The following FRMD5 variants were observed in gnomAD, a reference collection of about 807,000 sequenced individuals.
FRMD5 encodes FERM domain containing 5.
In FRMD5, 20 loss-of-function variants were observed where a neutral mutation model predicts 69.0. The ratio of observed to expected loss-of-function variants is 0.29; its 90% CI spans 0.20 to 0.42. FRMD5 has a LOEUF of 0.42. Among genes scored for constraint, FRMD5 ranks in the 10% least tolerant of loss-of-function variants. The pLI is 1.00. For missense variants in FRMD5, 595 were observed against 708.6 expected, an observed-to-expected ratio of 0.84 and a Z score of 1.82; for synonymous variants, 271 against 260.1, an observed-to-expected ratio of 1.04 and a Z score of -0.40.
chr15:43,946,764 C>G (rs535836138), intron 1 of FRMD5, among the ~76,000 whole-genome samples: 1 of 152,192 alleles, frequency 6.6e-6, no homozygotes, highest in African/African-American at 2.4e-5. Flanking sequence ...TTGCTCTCTT[C>G]TGTCCCCCTG....
intron 1 of FRMD5, among the ~76,000 whole-genome samples, chr15:43,931,388 T>C (rs930080814): frequency 3.3e-5 from 5 of 152,124 alleles, no homozygotes; most frequent in African/African-American, 1.2e-4. Context: ...TCTCTCTCTC[T>C]CTCTTCTCTT....
intron 1 of FRMD5, among the ~76,000 whole-genome samples, chr15:44,145,066 C>T (rs931232507): frequency 2.0e-5 from 3 of 152,180 alleles, no homozygotes; most frequent in South Asian, 2.1e-4. Flanking sequence ...AAATTTTACA[C>T]TGAAGTAGAA....
chr15:43,978,504 G>T (rs2090499019), intron 1 of FRMD5, among the ~76,000 whole-genome samples: 2 of 152,148 alleles, frequency 1.3e-5, no homozygotes, highest in South Asian at 2.1e-4. Context: ...CATGATCGAG[G>T]TGATGTTCAC....
At chr15:43,899,926 A>G (rs1011407756) in intron 7 of FRMD5, among the ~76,000 whole-genome samples, 1 of 152,118 alleles carries the variant, frequency 6.6e-6, no homozygotes, top group African/African-American at 2.4e-5. Flanking sequence ...TCCCCGCTCT[A>G]GTCAGTGTAG....
At chr15:44,050,182 T>A (rs1049274733) in intron 1 of FRMD5, among the ~76,000 whole-genome samples, 1 of 152,220 alleles carries the variant, frequency 6.6e-6, no homozygotes, top group African/African-American at 2.4e-5. Context: ...GTCTGGAATA[T>A]CAGCTATTCT....
At chr15:44,091,196 T>G (rs1362134169) in intron 1 of FRMD5, among the ~76,000 whole-genome samples, 1 of 152,238 alleles carries the variant, frequency 6.6e-6, no homozygotes, top group African/African-American at 2.4e-5. Flanking sequence ...GAAGAAAATG[T>G]TAAATCCACC....
chr15:44,186,573 G>T (rs1272899299), intron 1 of FRMD5, among the ~76,000 whole-genome samples: 2 of 152,222 alleles, frequency 1.3e-5, no homozygotes, highest in African/African-American at 4.8e-5. Flanking sequence ...CCTAGGGCAT[G>T]CGGGTTTGAT....
At chr15:44,180,360 A>C (rs1384695098) in intron 1 of FRMD5, among the ~76,000 whole-genome samples, 1 of 152,196 alleles carries the variant, frequency 6.6e-6, no homozygotes, top group Non-Finnish European at 1.5e-5. Flanking sequence ...CTTTATAGCA[A>C]ATAACTCTCT....
rs141149936 is a variant in FRMD5, at chr15:43,987,051, T to C, written c.103-62742A>G. Among the ~76,000 whole-genome samples the C allele has an allele frequency of 7.9e-5, 12 of 152,292 alleles. No homozygotes were observed. The East Asian group carries it at 2.1e-3, about 27-fold the overall frequency. ...AGACAGTGAACATAACCAATAAATG[T>C]GTGTGTCCTAACTGCTCCACTGACA... On this transcript the variant is annotated intron_variant, in intron 1 of 13. Transcript: ENST00000417257.
At chr15:44,159,868 A>G (rs2077585910) in intron 1 of FRMD5, among the ~76,000 whole-genome samples, 1 of 152,220 alleles carries the variant, frequency 6.6e-6, no homozygotes, top group Non-Finnish European at 1.5e-5. Context: ...ATCCAGCACT[A>G]TCACCCAGAC....
intron 1 of FRMD5, chr15:43,990,309 C>G (rs1889613598): frequency 7.7e-6 from 2 of 258,500 alleles, no homozygotes; most frequent in Admixed American, 4.9e-5. Flanking sequence ...AAATATTTGT[C>G]TGACTTTGCT....
At chr15:44,163,929 G>A (rs1045054582) in intron 1 of FRMD5, among the ~76,000 whole-genome samples, 5 of 152,168 alleles carry the variant, frequency 3.3e-5, no homozygotes, top group Non-Finnish European at 5.9e-5. Context: ...CAAATTAAAT[G>A]TTGACAGACA....
intron 1 of FRMD5, among the ~76,000 whole-genome samples, chr15:44,065,383 TGAAG>T (rs989767536): frequency 9.2e-5 from 14 of 152,092 alleles, no homozygotes; most frequent in Middle Eastern, 3.2e-3. Context: ...GAAGGGGTAA[TGAAG>T]GAAGGAAAAA....
At chr15:44,072,341 G>A (rs2140416392) in intron 1 of FRMD5, among the ~76,000 whole-genome samples, 1 of 152,210 alleles carries the variant, frequency 6.6e-6, no homozygotes, top group South Asian at 2.1e-4. Context: ...CAGTGTGTTG[G>A]AACTGCCTGA....
chr15:43,931,394 C>G (rs1566843081), intron 1 of FRMD5, among the ~76,000 whole-genome samples: 1 of 152,046 alleles, frequency 6.6e-6, no homozygotes, highest in African/African-American at 2.4e-5. Context: ...TCTCTCTCTT[C>G]TCTTTCTCTC....
chr15:43,986,730 T>TTA (rs1555391232), intron 1 of FRMD5, among the ~76,000 whole-genome samples: 14 of 151,580 alleles, frequency 9.2e-5, no homozygotes, highest in Admixed American at 2.6e-4. Flanking sequence ...TTTTTTTTTT[T>TTA]ATAAATACGG....
chr15:44,162,627 G>A (rs2077635509), intron 1 of FRMD5, among the ~76,000 whole-genome samples: 1 of 151,952 alleles, frequency 6.6e-6, no homozygotes, highest in Admixed American at 6.6e-5. Flanking sequence ...CAGCACTTTG[G>A]GAGGCCAAGG....
intron 4 of FRMD5, among the ~76,000 whole-genome samples, chr15:43,915,656 T>C (rs944949829): frequency 6.6e-6 from 1 of 152,204 alleles, no homozygotes; most frequent in Non-Finnish European, 1.5e-5. Flanking sequence ...AATCTGTTTA[T>C]TACTTTAAAA....
intron 13 of FRMD5, chr15:43,876,362 C>T (rs2088357297): frequency 1.2e-6 from 1 of 804,858 alleles, no homozygotes; most frequent in Admixed American, 2.0e-5. Context: ...AGTCTCAAGT[C>T]TGCCTGTTGG....
Sources: gnomAD v4.1 joint callset for allele counts (sites outside exome capture counted in the v4.1 genomes callset) on GRCh38, gnomAD v4.1.1 for gene constraint, MANE v1.5 for transcripts, NCBI Gene and HGNC (gene_info 2026-07-23, HGNC 2026-07-21) for gene names.